SULT1A1: variants seen among roughly 807,000 people sequenced by gnomAD.
The protein encoded by SULT1A1 is sulfotransferase 1A1.
In SULT1A1, 35 loss-of-function variants were observed where a neutral mutation model predicts 36.8. The observed-to-expected ratio is 0.95, with a 90% confidence interval of 0.73 to 1.26. SULT1A1 has a LOEUF of 1.26. Ranked by LOEUF, SULT1A1 falls within the 50% of genes most tolerant of loss-of-function variation. The pLI, the probability that SULT1A1 is intolerant of heterozygous loss-of-function variation, is 0.00. For missense variants in SULT1A1, 309 were observed against 383.0 expected, an observed-to-expected ratio of 0.81 and a Z score of 1.61; for synonymous variants, 119 against 146.0, an observed-to-expected ratio of 0.82 and a Z score of 1.33.
At chr16:28,609,722 C>G in intron 1 of SULT1A1, 1 of 544,038 alleles carries the variant, frequency 1.8e-6, no homozygotes. Flanking sequence ...CCACAGCACT[C>G]CAGCCTGGGT....
At chr16:28,623,325 T>C in exon 1 of SULT1A1, 2 of 1,518,508 alleles carry the variant, frequency 1.3e-6, no homozygotes, top group South Asian at 2.5e-5. Context: ...CTAGCGGCCC[T>C]GCAGCCGTTG....
At chr16:28,620,017 A>G (rs374153672) in intron 2 of SULT1A1, 1 of 1,487,668 alleles carries the variant, frequency 6.7e-7, no homozygotes, top group East Asian at 2.3e-5. Flanking sequence ...GTGTGTATAT[A>G]CACACACAAA....
At position 28,605,601 on chromosome 16, in the gene SULT1A1, A is replaced by G; in HGVS notation, c.*220T>C. ...ATCATATTTTATTCTCTTTTTAAAA[A>G]TTGGTTTTATTTTATTTTATTTTTT... On this transcript the variant is annotated 3_prime_UTR_variant, in exon 8 of 8. Transcript: ENST00000314752. 1 of 781,728 alleles carries G rather than the reference A, an allele frequency of 1.3e-6. No homozygotes were observed. Among genetic ancestry groups the G allele is most frequent in the East Asian group, 2.7e-5 (1 of 36,984 alleles). 48.4% of individuals were successfully genotyped at this position (781,728 alleles called of 1,614,324 possible). A position where few individuals can be genotyped will look rare whatever the true frequency, so the allele number is the denominator to read the frequency against.
chr16:28,608,495 G>A lies in SULT1A1; in HGVS notation c.257C>T (p.Ala86Val), dbSNP rs72547525. The A allele has an allele frequency of 3.2e-5, 52 of 1,612,356 alleles. No individual in the cohort carries two copies. Among genetic ancestry groups the A allele is most frequent in the South Asian group, 8.8e-5 (8 of 91,028 alleles). Residue 86 changes from alanine (A) to valine (V), a missense_variant, in exon 3 of 8, where the codon GCC (alanine) becomes GTC (valine). Physicochemically the swap from Ala to Val is moderately conservative, Grantham distance 64 (BLOSUM62 0). This residue lies in a region of SULT1A1 where 219 missense variants were observed against 215.3 expected (regional missense o/e 1.02). Transcript: ENST00000314752. Reference sequence around the variant, plus strand: ...TCACACACCTGAGGGAATCCCTGGGGCTTTGAACTCAAGGAAGGGCACCCG... The same window carrying A: ...TCACACACCTGAGGGAATCCCTGGGACTTTGAACTCAAGGAAGGGCACCCG... Reference protein sequence around the residue: ...FMRVPFLEFKAPGIPSGMETL... With the variant: ...FMRVPFLEFKVPGIPSGMETL...
At chr16:28,609,263 A>T in intron 1 of SULT1A1, 2 of 1,246,448 alleles carry the variant, frequency 1.6e-6, no homozygotes, top group South Asian at 1.5e-5. Flanking sequence ...TCCTGCTGGG[A>T]CCCCCAGCCT....
At chr16:28,622,649 G>A (rs1281819312) in intron 1 of SULT1A1, among the ~76,000 whole-genome samples, 4 of 152,102 alleles carry the variant, frequency 2.6e-5, no homozygotes, top group East Asian at 1.9e-4. Context: ...TGTTGGCCCC[G>A]GGGCCCCAGG....
intron 1 of SULT1A1, among the ~76,000 whole-genome samples, chr16:28,621,378 A>G (rs1327856164): frequency 1.4e-5 from 2 of 146,634 alleles, no homozygotes; most frequent in African/African-American, 5.0e-5. Context: ...GCTACTTGGT[A>G]GGCTGAGGCA....
chr16:28,608,014 T>C (rs2047284948), intron 4 of SULT1A1: 1 of 299,778 alleles, frequency 3.3e-6, no homozygotes, highest in Non-Finnish European at 6.1e-6. Context: ...TTTTGTGAGT[T>C]TTGCTCTTGT....
chr16:28,608,492 G>C lies in SULT1A1; in HGVS notation c.260C>G (p.Pro87Arg). ...MRVPFLEFKA[P>R]GIPSGMETLK... ...CACTCACACACCTGAGGGAATCCCT[G>C]GGGCTTTGAACTCAAGGAAGGGCAC... The change falls in exon 3 of 8, where the codon CCA becomes CGA. Residue 87 changes from proline (P) to arginine (R), a missense_variant. This residue lies in a region of SULT1A1 where 219 missense variants were observed against 215.3 expected (regional missense o/e 1.02). Coordinates refer to ENST00000314752, the MANE Select transcript of SULT1A1 (RefSeq NM_001055.4). 1 of 1,612,432 alleles carries C rather than the reference G, an allele frequency of 6.2e-7. No individual in the cohort carries two copies. Among genetic ancestry groups the C allele is most frequent in the Non-Finnish European group, 8.5e-7 (1 of 1,178,674 alleles).
upstream of SULT1A1, chr16:28,610,471 G>A: frequency 1.2e-5 from 4 of 341,812 alleles, no homozygotes; most frequent in South Asian, 7.0e-5. Context: ...AAGGTGCCAG[G>A]GGTTCTGGCC....
intron 1 of SULT1A1, chr16:28,623,116 C>CCCT (rs1378239295): frequency 6.5e-7 from 1 of 1,540,956 alleles, no homozygotes; most frequent in African/African-American, 1.4e-5. Context: ...CCAGGTTCCC[C>CCCT]CCCCGGCCCC....
chr16:28,605,487 G>T lies in SULT1A1; in HGVS notation c.*334C>A, dbSNP rs1326560571. On this transcript the variant is annotated 3_prime_UTR_variant, in exon 8 of 8. Transcript: ENST00000314752. ...ATGTCTTGTAATGTTGAACAGGCTG[G>T]TCCCAAACTCCTGTCCTCCAGTGAT... 4 of 434,272 alleles carry T rather than the reference G, an allele frequency of 9.2e-6. No homozygotes were observed. The highest frequency in any genetic ancestry group is 1.7e-5 in the Non-Finnish European group (4 of 235,552). The allele number at this position is 434,272 out of a possible 1,614,324, so 26.9% of individuals were successfully genotyped here.
chr16:28,608,896 C>T, intron 1 of SULT1A1, 37 bp from the exon 2 acceptor site: 1 of 1,611,300 alleles, frequency 6.2e-7, no homozygotes, highest in Non-Finnish European at 8.5e-7. Flanking sequence ...GTTCCCTTAC[C>T]ACCATCACAA....
At chr16:28,606,352 G>A in intron 6 of SULT1A1, 116 bp from the exon 7 acceptor site, 1 of 1,551,178 alleles carries the variant, frequency 6.4e-7, no homozygotes, top group South Asian at 1.2e-5. Flanking sequence ...AAACCCTGCA[G>A]AGCCAACTCC....
At chr16:28,619,747 T>C (rs1215849983) in intron 2 of SULT1A1, among the ~76,000 whole-genome samples, 1 of 19,494 alleles carries the variant, frequency 5.1e-5, no homozygotes. Context: ...AAAATATATA[T>C]ATACATATAT....
At chr16:28,610,563 G>A, upstream of SULT1A1, 1 of 245,346 alleles carries the variant, frequency 4.1e-6, no homozygotes, top group Non-Finnish European at 8.2e-6. Context: ...TGTGTGGGCA[G>A]AGTGAAGGGG....
chr16:28,610,026 G>T lies in SULT1A1; in HGVS notation c.-100C>A. Reference sequence around the variant, plus strand: ...ATGCAGGGTTGTTCTCTGAGCTGAGGGTTTCCTAGGTCCACTGTGGGAGGG... The same window carrying T: ...ATGCAGGGTTGTTCTCTGAGCTGAGTGTTTCCTAGGTCCACTGTGGGAGGG... On this transcript the variant is annotated 5_prime_UTR_variant, in exon 1 of 8. Transcript: ENST00000314752. The T allele has an allele frequency of 7.8e-7, 1 of 1,286,866 alleles. No individual in the cohort carries two copies. The highest frequency in any genetic ancestry group is 1.0e-6 in the Non-Finnish European group (1 of 986,948). The allele number at this position is 1,286,866 out of a possible 1,614,324, so 79.7% of individuals were successfully genotyped here.
In SULT1A1 at chr16:28,606,442, C is replaced by T. The variant is rs9941199; in HGVS notation, c.595-206G>A. On this transcript the variant is annotated intron_variant, in intron 6 of 7. Coordinates refer to ENST00000314752, the MANE Select transcript of SULT1A1 (RefSeq NM_001055.4). ...ATCCCATCATGAGCTGGGCTTGGCT[C>T]CTATGGGTGAGGACCGTGATGGTCT... 9.8e-3 allele frequency among the ~76,000 whole-genome samples: 1,492 copies of T among 151,612 alleles called. 1 individual carries two copies. The highest frequency in any genetic ancestry group is 0.034 in the African/African-American group (1,399 of 41,144).
At position 28,608,802 on chromosome 16, in the gene SULT1A1, G is replaced by A. The variant is rs1330224057; in HGVS notation, c.54C>T (p.Val18=). 1.2e-6 allele frequency: 2 copies of A among 1,612,086 alleles called. No homozygotes were observed. Among genetic ancestry groups the A allele is most frequent in the African/African-American group, 2.7e-5 (2 of 74,974 alleles). ...CCTCTGCAAAGTACTTGATGAGCGG[G>A]ACCCCCTTCACGTACTCCAGTGGCG... The part of the protein sequence containing the change: ...SRPPLEYVKG[V]PLIKYFAEAL... The change falls in exon 2 of 8, where the codon GTC becomes GTT. Residue 18 remains valine (V), a synonymous_variant. Coordinates refer to ENST00000314752, the MANE Select transcript of SULT1A1 (RefSeq NM_001055.4).
Sources: allele counts gnomAD v4.1 joint callset (sites outside exome capture counted in the v4.1 genomes callset), GRCh38; gene constraint gnomAD v4.1.1; regional missense constraint gnomAD v4.1.1; transcripts MANE v1.5; gene names NCBI Gene and HGNC (gene_info 2026-07-23, HGNC 2026-07-21).